Variants in RAD23A observed in about 807,000 individuals in gnomAD.
RAD23A encodes lysine-specific demethylase RAD23A.
In RAD23A, 16 loss-of-function variants were observed where a neutral mutation model predicts 44.8. That is an observed-to-expected ratio of 0.36 (90% CI 0.24 to 0.54). RAD23A has a LOEUF of 0.54. Among genes scored for constraint, RAD23A ranks in the 20% least tolerant of loss-of-function variants. The pLI, the probability that RAD23A is intolerant of heterozygous loss-of-function variation, is 0.89. For synonymous variants in RAD23A, 217 were observed against 202.9 expected, an observed-to-expected ratio of 1.07 and a Z score of -0.59; for missense variants, 380 against 483.3, an observed-to-expected ratio of 0.79 and a Z score of 2.00.
chr19:12,948,439 T>C lies in RAD23A; in HGVS notation c.417-58T>C. The C allele has an allele frequency of 6.4e-7, 1 of 1,550,420 alleles. No individual in the cohort carries two copies. The highest frequency in any genetic ancestry group is 8.7e-7 in the Non-Finnish European group (1 of 1,147,818). On this transcript the variant is annotated intron_variant, in intron 3 of 8. Coordinates refer to ENST00000586534, the MANE Select transcript of RAD23A (RefSeq NM_005053.4). This position sits in a 1 kb window ranked among gnomAD's most constrained non-coding sequence, Gnocchi z 5.5. ...GTCCACATAAGTGGTCCCACACACC[T>C]GGAGGGAGGGCAAGCCGCCAGAAGC... is the stretch of plus-strand genomic sequence containing the variant.
intron 7 of RAD23A, 138 bp from the exon 8 acceptor site, chr19:12,952,551 C>T (rs927435383): frequency 2.0e-6 from 2 of 984,138 alleles, no homozygotes; most frequent in Non-Finnish European, 3.0e-6. Context: ...CTTGTGTCGA[C>T]TGCTATGTTG....
In RAD23A at chr19:12,948,157, CCTTTTT is replaced by C; in HGVS notation, c.235-16_235-11del. On this transcript the variant is annotated splice_polypyrimidine_tract_variant and intron_variant, in intron 2 of 8. Transcript: ENST00000586534. This position sits in a 1 kb window ranked among gnomAD's most constrained non-coding sequence, Gnocchi z 5.5. ...CTGATAGGGTTGCTGATGCCAGCTCCCTTTTTCTTGCTGTTGCAGACCAAAGCCGGC... is the reference window on the plus strand; with the variant it reads ...CTGATAGGGTTGCTGATGCCAGCTCCCTTGCTGTTGCAGACCAAAGCCGGC... 4 of 1,613,930 alleles carry C rather than the reference CCTTTTT, an allele frequency of 2.5e-6. No homozygotes were observed. Among genetic ancestry groups the C allele is most frequent in the Non-Finnish European group, 3.4e-6 (4 of 1,179,956 alleles).
chr19:12,949,769 C>T (rs1325867786), intron 7 of RAD23A, among the ~76,000 whole-genome samples: 2 of 152,144 alleles, frequency 1.3e-5, no homozygotes, highest in East Asian at 1.9e-4. Context: ...GCGTAAATGT[C>T]TGTAAGGTGG....
At chr19:12,946,956 C>T (rs950296846) in intron 1 of RAD23A, among the ~76,000 whole-genome samples, 16 of 152,124 alleles carry the variant, frequency 1.1e-4, no homozygotes, top group Admixed American at 9.8e-4. Context: ...AATCCCAGCA[C>T]TTAGGGAGGC....
rs777277641 is a variant in RAD23A, at chr19:12,949,353, C to T, written c.758C>T (p.Ala253Val). 3.7e-6 allele frequency: 6 copies of T among 1,614,004 alleles called. No individual in the cohort carries two copies. The highest frequency in any genetic ancestry group is 1.7e-5 in the Admixed American group (1 of 59,998). Residue 253 changes from alanine (A) to valine (V), a missense_variant, in exon 7 of 9, where the codon GCG becomes GTG. By Grantham distance (64) the Ala-to-Val change is moderately conservative. Coordinates refer to ENST00000586534, the MANE Select transcript of RAD23A (RefSeq NM_005053.4). ...NMRQVIQQNP[A>V]LLPALLQQLG... The stretch of plus-strand genomic sequence containing the variant: ...CGGCAGGTGATTCAGCAGAACCCTG[C>T]GCTGCTGCCCGCCCTGCTCCAGCAG...
At chr19:12,952,390 C>A in intron 7 of RAD23A, 1 of 270,832 alleles carries the variant, frequency 3.7e-6, no homozygotes, top group Non-Finnish European at 7.1e-6. Flanking sequence ...TGGGGGTTCA[C>A]CATGTTGGCC....
At chr19:12,946,283 T>G (rs1249526237) in intron 1 of RAD23A, among the ~76,000 whole-genome samples, 1 of 152,080 alleles carries the variant, frequency 6.6e-6, no homozygotes, top group Non-Finnish European at 1.5e-5. Context: ...ATGTCAGCGC[T>G]CTCGCGGGGC....
chr19:12,952,931 C>T lies in RAD23A; in HGVS notation c.979-5C>T, dbSNP rs375095042. 5.0e-6 allele frequency: 8 copies of T among 1,613,528 alleles called. No individual in the cohort carries two copies. The highest frequency in any genetic ancestry group is 1.7e-5 in the Admixed American group (1 of 59,880). ...CCTGCTCACACTTAACCTATCTTCC[C>T]ACAGTTGAAGGCCCTGGGCTTCCCA... On this transcript the variant is annotated splice_region_variant and splice_polypyrimidine_tract_variant and intron_variant, in intron 8 of 8. Transcript: ENST00000586534.
chr19:12,946,056 C>CG, intron 1 of RAD23A, 36 bp downstream of exon 1: 2 of 110,936 alleles, frequency 1.8e-5, no homozygotes, highest in South Asian at 6.3e-5. Flanking sequence ...GCGGGAGCGA[C>CG]GGGTTTCGGG....
chr19:12,951,676 C>A (rs1367661981), intron 7 of RAD23A, among the ~76,000 whole-genome samples: 1 of 152,106 alleles, frequency 6.6e-6, no homozygotes, highest in Non-Finnish European at 1.5e-5. Flanking sequence ...AAACTCCTGA[C>A]CTCAAGTGAT....
chr19:12,949,017 C>T, intron 5 of RAD23A, 64 bp from the exon 6 acceptor site: 1 of 1,569,502 alleles, frequency 6.4e-7, no homozygotes, highest in Non-Finnish European at 8.7e-7. Flanking sequence ...TGTGTCCTGC[C>T]AGGGCATGGA....
At position 12,953,157 on chromosome 19, in the gene RAD23A, A is replaced by T. The variant is rs1971862797; in HGVS notation, c.*108A>T. 1.3e-6 allele frequency: 1 copy of T among 782,302 alleles called. No individual in the cohort carries two copies. Among genetic ancestry groups the T allele is most frequent in the Admixed American group, 3.5e-5 (1 of 28,844 alleles). 48.5% of individuals were successfully genotyped at this position (782,302 alleles called of 1,614,324 possible). Reference sequence around the variant, plus strand: ...ATGTTTATTTAAGAAATGGAAAAAAAAATCAAAAATCTTAAAAAAACAAGC... The same window carrying T: ...ATGTTTATTTAAGAAATGGAAAAAATAATCAAAAATCTTAAAAAAACAAGC... On this transcript the variant is annotated 3_prime_UTR_variant, in exon 9 of 9. Coordinates refer to ENST00000586534, the MANE Select transcript of RAD23A (RefSeq NM_005053.4).
Position 12,948,356 on chromosome 19 carries a change from AG to A in RAD23A, c.416+1del. ...APTTSPESVSGSVPSSGSSGR... is the reference protein window; with the variant it reads ...APTTSPESVSXSVPSSGSSGR... ...CCACGACGTCCCCAGAGTCTGTGTC[AG>A]GGTAAGGCGGGGGCAGCAGTCCCAG... On this transcript the variant is annotated frameshift_variant and splice_region_variant, in exon 3 of 9. Transcript: ENST00000586534. LOFTEE classifies it high-confidence loss of function. This position sits in a 1 kb window ranked among gnomAD's most constrained non-coding sequence, Gnocchi z 5.5. 6.3e-7 allele frequency: 1 copy of A among 1,579,180 alleles called. No homozygotes were observed. Among genetic ancestry groups the A allele is most frequent in the Non-Finnish European group, 8.6e-7 (1 of 1,161,206 alleles).
At position 12,948,467 on chromosome 19, in the gene RAD23A, G is replaced by C; in HGVS notation, c.417-30G>C. The C allele has an allele frequency of 6.4e-7, 1 of 1,559,110 alleles. No homozygotes were observed. The highest frequency in any genetic ancestry group is 1.4e-5 in the African/African-American group (1 of 73,064). ...AGGGAGGGCAAGCCGCCAGAAGCCA[G>C]GGTCCGATTTCTCTCTCTTGAATTT... On this transcript the variant is annotated intron_variant, in intron 3 of 8. Transcript: ENST00000586534. This position sits in a 1 kb window ranked among gnomAD's most constrained non-coding sequence, Gnocchi z 5.5.
intron 1 of RAD23A, 64 bp downstream of exon 1, chr19:12,946,084 G>GGGGGGGGGGGGGGGGCC: frequency 3.9e-6 from 2 of 512,140 alleles, no homozygotes; most frequent in East Asian, 5.5e-5. Context: ...TGGGGGCGGG[G>GGGGGGGGGGGGGGGGCC]AGGCTAGAAT....
At chr19:12,949,449 T>C (rs1355364327) in intron 7 of RAD23A, 41 bp downstream of exon 7, 4 of 1,598,458 alleles carry the variant, frequency 2.5e-6, no homozygotes, top group Non-Finnish European at 2.6e-6. Flanking sequence ...CAGCCACCAT[T>C]TCCCTTCCCT....
At position 12,952,584 on chromosome 19, in the gene RAD23A, C is replaced by T. The variant is rs879180603; in HGVS notation, c.814-105C>T. 5.5e-5 allele frequency: 73 copies of T among 1,322,188 alleles called. No homozygotes were observed. In the South Asian group the frequency reaches 9.9e-4, roughly 18 times the overall value. 81.9% of individuals were successfully genotyped at this position (1,322,188 alleles called of 1,614,324 possible). A position where few individuals can be genotyped will look rare whatever the true frequency, so the allele number is the denominator to read the frequency against. ...TTGTGTTTGGCCAGAACAGGCTCCT[C>T]TGGATATTTGCCTGACTGAATGAAA... is the stretch of plus-strand genomic sequence containing the variant. On this transcript the variant is annotated intron_variant, in intron 7 of 8. Coordinates refer to ENST00000586534, the MANE Select transcript of RAD23A (RefSeq NM_005053.4).
At chr19:12,952,621 G>A in intron 7 of RAD23A, 68 bp from the exon 8 acceptor site, 1 of 1,501,112 alleles carries the variant, frequency 6.7e-7, no homozygotes, top group Non-Finnish European at 9.1e-7. Flanking sequence ...AGCAAGGGCT[G>A]TGATGACCTG....
At chr19:12,949,765 ATGTCTGTAAGG>A (rs1031435635) in intron 7 of RAD23A, among the ~76,000 whole-genome samples, 4 of 152,056 alleles carry the variant, frequency 2.6e-5, no homozygotes, top group African/African-American at 9.7e-5. Flanking sequence ...TGCTGCGTAA[ATGTCTGTAAGG>A]TGGCATGACG....
Sources: allele counts gnomAD v4.1 joint callset (sites outside exome capture counted in the v4.1 genomes callset), GRCh38; gene constraint gnomAD v4.1.1; non-coding constraint Gnocchi (gnomAD v3.1); transcripts MANE v1.5; gene names NCBI Gene and HGNC (gene_info 2026-07-23, HGNC 2026-07-21).